TLN2: variants seen among roughly 807,000 people sequenced by gnomAD.
The protein encoded by TLN2 is talin-2.
In TLN2, 118 loss-of-function variants were observed where a neutral mutation model predicts 294.7. The observed-to-expected ratio is 0.40, with a 90% CI of 0.34 to 0.47. The LOEUF is 0.47. TLN2 is among the 20% of genes least tolerant of loss of function. The probability of loss-of-function intolerance (pLI) is 0.84; values close to 1 mark genes in which losing one functional copy is unlikely to be tolerated. For missense variants in TLN2, 3,083 were observed against 3,282.2 expected, an observed-to-expected ratio of 0.94 and a Z score of 1.48; for synonymous variants, 1,431 against 1,304.5, an observed-to-expected ratio of 1.10 and a Z score of -2.09.
intron 1 of TLN2, among the ~76,000 whole-genome samples, chr15:62,570,597 C>A (rs139126396): frequency 6.6e-6 from 1 of 152,040 alleles, no homozygotes; most frequent in Non-Finnish European, 1.5e-5. Context: ...TCTCTTTTCC[C>A]TAATTTTGGT....
At chr15:62,583,493 C>G (rs72755803) in intron 1 of TLN2, among the ~76,000 whole-genome samples, 18,074 of 148,002 alleles carry the variant, frequency 0.12, 1,274 homozygotes, top group Middle Eastern at 0.17. Flanking sequence ...TCCTCTCGCC[C>G]TTCTTTTTTT....
At chr15:62,434,392 T>C (rs2035181704) in intron 1 of TLN2, among the ~76,000 whole-genome samples, 1 of 152,240 alleles carries the variant, frequency 6.6e-6, no homozygotes, top group Admixed American at 6.5e-5. Context: ...TATTCCATTA[T>C]AGTATATTCC....
intron 23 of TLN2, among the ~76,000 whole-genome samples, 170 bp downstream of exon 23, chr15:62,716,629 C>G (rs973545802): frequency 6.6e-6 from 1 of 152,202 alleles, no homozygotes; most frequent in Non-Finnish European, 1.5e-5. Context: ...TTGGAAAAAA[C>G]TGCTTCCGTA....
At chr15:62,635,135 CG>C (rs1334967041) in intron 3 of TLN2, among the ~76,000 whole-genome samples, 71 of 152,190 alleles carry the variant, frequency 4.7e-4, no homozygotes, top group African/African-American at 1.7e-3. Flanking sequence ...ATTTAACTAA[CG>C]CATAAATCAA....
intron 1 of TLN2, among the ~76,000 whole-genome samples, chr15:62,433,087 A>G (rs1399370363): frequency 1.3e-5 from 2 of 152,142 alleles, no homozygotes; most frequent in Non-Finnish European, 2.9e-5. Flanking sequence ...GTGTACTCCT[A>G]GGGAGAGGAA....
chr15:62,757,833 G>A (rs1447074270), intron 37 of TLN2, among the ~76,000 whole-genome samples: 1 of 152,164 alleles, frequency 6.6e-6, no homozygotes, highest in African/African-American at 2.4e-5. Context: ...GTGGAAATGG[G>A]CCTGGTTTTT....
chr15:62,675,355 T>C (rs1878783), intron 11 of TLN2, 34 bp downstream of exon 11: 1,583,502 of 1,602,060 alleles, frequency 0.99, 783,448 homozygotes, highest in Non-Finnish European at 1. Flanking sequence ...GTGTTCACCT[T>C]GGCCCCTTCT....
chr15:62,761,899 A>G lies in TLN2; in HGVS notation c.4779+78A>G, dbSNP rs1302731196. On this transcript the variant is annotated intron_variant, in intron 38 of 58. Coordinates refer to ENST00000636159, the MANE Select transcript of TLN2 (RefSeq NM_015059.3). ...GGCACCAAATGAGTTACTAGTTAAA[A>G]CTCCAACAGCTCTCTCTGTCAACAT... 5 of 1,573,720 alleles carry G rather than the reference A, an allele frequency of 3.2e-6. No homozygotes were observed. The Admixed American group carries it at 5.1e-5, about 16-fold the overall frequency.
In TLN2 at chr15:62,414,164, CTATA is replaced by C. The variant is rs780803268; in HGVS notation, c.-238+23504_-238+23507del. ...AGTGAAGTGTTAGCAAAAAAAAAAA[CTATA>C]TATATATATATATATATATATATAA... is the stretch of plus-strand genomic sequence containing the variant. On this transcript the variant is annotated intron_variant, in intron 1 of 58. Coordinates refer to ENST00000636159, the MANE Select transcript of TLN2 (RefSeq NM_015059.3). Among the ~76,000 whole-genome samples the C allele has an allele frequency of 2.7e-3, 246 of 90,604 alleles. 26 individuals are homozygous for C. The highest frequency in any genetic ancestry group is 9.5e-3 in the South Asian group (15 of 1,586). 59.4% of individuals were successfully genotyped at this position (90,604 alleles called of 152,430 possible). A position where few individuals can be genotyped will look rare whatever the true frequency, so the allele number is the denominator to read the frequency against.
chr15:62,796,279 C>T lies in TLN2; in HGVS notation c.6036C>T (p.Thr2012=), dbSNP rs770570599. ...AGTLNAENSE[T]FADHRENILK... Reference sequence around the variant, plus strand: ...CGCTGAATGCAGAGAACAGTGAGACCTTCGCAGACCACAGGTACGTGGGGG... The same window carrying T: ...CGCTGAATGCAGAGAACAGTGAGACTTTCGCAGACCACAGGTACGTGGGGG... Residue 2012 remains threonine, a synonymous_variant, in exon 47 of 59, where the codon ACC becomes ACT. Transcript: ENST00000636159. 2 of 1,613,786 alleles carry T rather than the reference C, an allele frequency of 1.2e-6. No individual in the cohort carries two copies. The highest frequency in any genetic ancestry group is 1.3e-5 in the African/African-American group (1 of 75,046).
At chr15:62,668,933 A>G (rs1048005376) in intron 9 of TLN2, among the ~76,000 whole-genome samples, 9 of 152,210 alleles carry the variant, frequency 5.9e-5, no homozygotes, top group Admixed American at 2.6e-4. Flanking sequence ...GGTGACATGT[A>G]CCACTTGAAA....
intron 2 of TLN2, among the ~76,000 whole-genome samples, chr15:62,604,642 G>A (rs2047276049): frequency 6.6e-6 from 1 of 150,974 alleles, no homozygotes; most frequent in South Asian, 2.1e-4. Flanking sequence ...GTTGCAGTGT[G>A]TAGTTGGAAG....
chr15:62,437,414 C>T (rs990864441), intron 1 of TLN2, among the ~76,000 whole-genome samples: 3 of 145,832 alleles, frequency 2.1e-5, no homozygotes, highest in Non-Finnish European at 4.6e-5. Flanking sequence ...CACACCTGAC[C>T]TTTTTTTTTT....
At chr15:62,458,816 A>G (rs147729491) in intron 1 of TLN2, among the ~76,000 whole-genome samples, 625 of 151,400 alleles carry the variant, frequency 4.1e-3, no homozygotes, top group Non-Finnish European at 5.9e-3. Flanking sequence ...CTTGAGTGCG[A>G]CTCTCCTTGC....
intron 9 of TLN2, among the ~76,000 whole-genome samples, chr15:62,667,208 C>T (rs566042729): frequency 3.8e-4 from 58 of 152,266 alleles, no homozygotes; most frequent in Non-Finnish European, 3.4e-4. Flanking sequence ...CCTAGTGATC[C>T]GCCCGCCTTG....
intron 54 of TLN2, among the ~76,000 whole-genome samples, chr15:62,824,302 T>C (rs901201794): frequency 2.6e-5 from 4 of 152,210 alleles, no homozygotes; most frequent in Non-Finnish European, 1.5e-5. Context: ...TTCAATATGC[T>C]TGGTGGAAAA....
At chr15:62,546,598 G>C (rs901896718) in intron 1 of TLN2, among the ~76,000 whole-genome samples, 6 of 152,154 alleles carry the variant, frequency 3.9e-5, no homozygotes, top group African/African-American at 1.4e-4. Flanking sequence ...CTATCCAGTT[G>C]CAAGGACAGC....
chr15:62,411,550 G>T (rs1022344098), intron 1 of TLN2, among the ~76,000 whole-genome samples: 1 of 151,042 alleles, frequency 6.6e-6, no homozygotes, highest in African/African-American at 2.4e-5. Flanking sequence ...TTTCTTTTGG[G>T]TCATCTTAAC....
intron 1 of TLN2, among the ~76,000 whole-genome samples, chr15:62,518,046 T>A (rs1595993898): frequency 2.2e-5 from 1 of 45,280 alleles, no homozygotes; most frequent in Non-Finnish European, 3.7e-5. Context: ...TAGCAGCAGT[T>A]TTTTTTTTTT....
Sources: allele counts gnomAD v4.1 joint callset (sites outside exome capture counted in the v4.1 genomes callset), GRCh38; gene constraint gnomAD v4.1.1; transcripts MANE v1.5; gene names NCBI Gene and HGNC (gene_info 2026-07-23, HGNC 2026-07-21).